The following CDH18 variants were observed in gnomAD, a reference collection of about 807,000 sequenced individuals.
CDH18 encodes the protein cadherin-18.
CDH18 carries 31 observed loss-of-function variants against 67.9 expected under a neutral mutation model. The ratio of observed to expected loss-of-function variants is 0.46; its 90% confidence interval spans 0.34 to 0.62. The LOEUF (loss-of-function observed/expected upper bound fraction) is 0.62. Ranked by LOEUF, CDH18 falls within the 20% of genes least tolerant of loss-of-function variation. CDH18 has a pLI of 0.01. For missense variants in CDH18, 890 were observed against 975.5 expected, an observed-to-expected ratio of 0.91 and a Z score of 1.17; for synonymous variants, 362 against 347.2, an observed-to-expected ratio of 1.04 and a Z score of -0.48.
At chr5:19,751,218 T>G (rs1187595987) in intron 3 of CDH18, among the ~76,000 whole-genome samples, 1 of 152,168 alleles carries the variant, frequency 6.6e-6, no homozygotes, top group East Asian at 1.9e-4. Context: ...GCTTTCACTC[T>G]AATGCAAAGT....
At chr5:20,418,596 T>C (rs944812136) in intron 1 of CDH18, among the ~76,000 whole-genome samples, 1 of 152,076 alleles carries the variant, frequency 6.6e-6, no homozygotes, top group African/African-American at 2.4e-5. Context: ...TTCAATTTTA[T>C]TCTTTTTGTT....
At chr5:19,795,140 G>A (rs1260896090) in intron 3 of CDH18, among the ~76,000 whole-genome samples, 2 of 152,022 alleles carry the variant, frequency 1.3e-5, no homozygotes, top group Non-Finnish European at 2.9e-5. Flanking sequence ...CTTTGCCAAG[G>A]GATATTGCTT....
chr5:19,594,882 C>G (rs1287016024), intron 6 of CDH18, among the ~76,000 whole-genome samples: 1 of 151,856 alleles, frequency 6.6e-6, no homozygotes, highest in African/African-American at 2.4e-5. Context: ...AGGAACAAAG[C>G]AAGGATGCCC....
chr5:20,384,847 T>C (rs996806967), intron 1 of CDH18, among the ~76,000 whole-genome samples: 3 of 152,190 alleles, frequency 2.0e-5, no homozygotes, highest in South Asian at 2.1e-4. Context: ...TATTTATTCA[T>C]TTATTTTGAG....
At chr5:19,702,108 C>T (rs1170644132) in intron 5 of CDH18, among the ~76,000 whole-genome samples, 4 of 151,110 alleles carry the variant, frequency 2.6e-5, no homozygotes, top group African/African-American at 4.9e-5. Context: ...CGAAGCTCCC[C>T]GCTACACTCT....
At chr5:20,324,583 C>T (rs1209590156) in intron 1 of CDH18, among the ~76,000 whole-genome samples, 1 of 150,096 alleles carries the variant, frequency 6.7e-6, no homozygotes, top group African/African-American at 2.4e-5. Context: ...AATATTGTGT[C>T]AGACTTCTAA....
At chr5:19,992,055 GTAAAACATTAATGCAT>G (rs914653841), upstream of CDH18, 5 of 150,566 alleles carry the variant, frequency 3.3e-5, no homozygotes, top group African/African-American at 1.2e-4. Context: ...CAGAGTACTG[GTAAAACATTAATGCAT>G]TAAAATGAAA....
At chr5:20,455,457 A>C (rs1168921387) in intron 1 of CDH18, among the ~76,000 whole-genome samples, 1 of 152,106 alleles carries the variant, frequency 6.6e-6, no homozygotes, top group Non-Finnish European at 1.5e-5. Context: ...AGGCAGGACA[A>C]CATGAAAAGT....
intron 2 of CDH18, among the ~76,000 whole-genome samples, chr5:19,892,590 C>T (rs533911445): frequency 4.6e-5 from 7 of 152,126 alleles, no homozygotes; most frequent in Admixed American, 2.0e-4. Flanking sequence ...GTAGGGTGAA[C>T]CTGTGACCAA....
intron 11 of CDH18, among the ~76,000 whole-genome samples, chr5:19,494,152 G>A (rs1264165974): frequency 2.0e-5 from 3 of 151,896 alleles, no homozygotes; most frequent in South Asian, 4.1e-4. Context: ...CAAGTTAGAA[G>A]ATTTCCACTC....
At chr5:20,015,977 A>G (rs749872080) in intron 2 of CDH18, among the ~76,000 whole-genome samples, 2 of 152,146 alleles carry the variant, frequency 1.3e-5, no homozygotes, top group Non-Finnish European at 2.9e-5. Context: ...ACAAAAAGGG[A>G]ATATAAATTG....
chr5:20,330,327 ATGAGCAGGACAAGAGAGGGACCCC>A (rs1400732581), intron 1 of CDH18, among the ~76,000 whole-genome samples: 3 of 152,154 alleles, frequency 2.0e-5, no homozygotes, highest in African/African-American at 7.2e-5. Flanking sequence ...CTAGTTAGAC[ATGAGCAGGACAAGAGAGGGACCCC>A]TGCCACCAGT....
At chr5:20,335,473 C>G (rs1002740705) in intron 1 of CDH18, among the ~76,000 whole-genome samples, 1 of 151,992 alleles carries the variant, frequency 6.6e-6, no homozygotes, top group Non-Finnish European at 1.5e-5. Flanking sequence ...GAACTCCCAG[C>G]CTCAAGTGAT....
chr5:20,348,123 A>T (rs930201818), intron 1 of CDH18, among the ~76,000 whole-genome samples: 4 of 152,178 alleles, frequency 2.6e-5, no homozygotes, highest in Non-Finnish European at 5.9e-5. Flanking sequence ...CCCACTACTC[A>T]TGTAATCTAG....
Position 19,510,133 on chromosome 5 carries a change from A to G in CDH18, c.1513-7024T>C, listed in dbSNP as rs149545389. On this transcript the variant is annotated intron_variant, in intron 10 of 12. Transcript: ENST00000382275. Reference sequence around the variant, plus strand: ...GAACAGTCACACAGCCTGGCAATACAAATACACTTCAGAAAACTGATTTCG... The same window carrying G: ...GAACAGTCACACAGCCTGGCAATACGAATACACTTCAGAAAACTGATTTCG... 7.7e-4 allele frequency among the ~76,000 whole-genome samples: 117 copies of G among 152,298 alleles called. 5 individuals carry two copies. In the East Asian group the frequency reaches 0.019, roughly 24 times the overall value.
intron 5 of CDH18, among the ~76,000 whole-genome samples, chr5:19,679,346 C>T (rs1352885729): frequency 6.6e-6 from 1 of 151,910 alleles, no homozygotes; most frequent in Admixed American, 6.6e-5. Context: ...CAGCCAACAT[C>T]ATATGGAATA....
chr5:20,359,101 T>C (rs1741877827), intron 1 of CDH18, among the ~76,000 whole-genome samples: 1 of 151,922 alleles, frequency 6.6e-6, no homozygotes, highest in South Asian at 2.1e-4. Context: ...CTAGCTAATT[T>C]TGTATTTTTA....
At chr5:20,237,933 T>C (rs1213069389) in intron 2 of CDH18, among the ~76,000 whole-genome samples, 2 of 151,972 alleles carry the variant, frequency 1.3e-5, no homozygotes, top group East Asian at 3.9e-4. Flanking sequence ...AATAAGAGAC[T>C]ATGGTATTGG....
chr5:19,957,877 A>C (rs1796409224), intron 2 of CDH18, among the ~76,000 whole-genome samples: 1 of 152,112 alleles, frequency 6.6e-6, no homozygotes, highest in Non-Finnish European at 1.5e-5. Flanking sequence ...TTTCTACAAA[A>C]ATGTAATATG....
Sources: allele counts gnomAD v4.1 joint callset (sites outside exome capture counted in the v4.1 genomes callset), GRCh38; gene constraint gnomAD v4.1.1; transcripts MANE v1.5; gene names NCBI Gene and HGNC (gene_info 2026-07-23, HGNC 2026-07-21).